NEK5: variants seen among roughly 807,000 people sequenced by gnomAD.
The protein encoded by NEK5 is NIMA related kinase 5, also known as serine/threonine-protein kinase Nek5.
NEK5 carries 88 observed loss-of-function variants against 109.2 expected under a neutral mutation model. That is an observed-to-expected ratio of 0.81 (90% confidence interval 0.68 to 0.96). The LOEUF is 0.96. Ranked by LOEUF, NEK5 falls within the 40% of genes least tolerant of loss-of-function variation. The pLI, the probability that NEK5 is intolerant of heterozygous loss-of-function variation, is 0.00. For synonymous variants in NEK5, 283 were observed against 299.9 expected, an observed-to-expected ratio of 0.94 and a Z score of 0.58; for missense variants, 834 against 920.7, an observed-to-expected ratio of 0.91 and a Z score of 1.22.
At chr13:52,107,060 A>G (rs1955670002) in intron 8 of NEK5, among the ~76,000 whole-genome samples, 1 of 152,180 alleles carries the variant, frequency 6.6e-6, no homozygotes, top group South Asian at 2.1e-4. Context: ...AGATATGAAC[A>G]TATAATACAA....
intron 22 of NEK5, among the ~76,000 whole-genome samples, chr13:52,061,375 GGGTT>G (rs1954613468): frequency 6.6e-6 from 1 of 152,152 alleles, no homozygotes; most frequent in African/African-American, 2.4e-5. Context: ...TGCGGCCCGA[GGGTT>G]GGGGGCTCCT....
At chr13:52,119,614 C>G (rs1285589303) in intron 3 of NEK5, among the ~76,000 whole-genome samples, 199 bp from the exon 4 acceptor site, 3 of 152,142 alleles carry the variant, frequency 2.0e-5, no homozygotes, top group Non-Finnish European at 2.9e-5. Flanking sequence ...TGTTGACAAC[C>G]ATCATCAAGA....
chr13:52,068,535 A>G (rs1954727991), intron 20 of NEK5, among the ~76,000 whole-genome samples: 1 of 152,122 alleles, frequency 6.6e-6, no homozygotes, highest in Non-Finnish European at 1.5e-5. Flanking sequence ...ATGAGATCTG[A>G]CAACCAACTG....
intron 16 of NEK5, among the ~76,000 whole-genome samples, chr13:52,085,010 G>T (rs1955109807): frequency 6.6e-6 from 1 of 152,096 alleles, no homozygotes; most frequent in South Asian, 2.1e-4. Context: ...TAACTTCTCT[G>T]TACAGGGGTA....
At chr13:52,050,700 A>G (rs1954496361) in intron 22 of NEK5, among the ~76,000 whole-genome samples, 1 of 150,212 alleles carries the variant, frequency 6.7e-6, no homozygotes, top group Non-Finnish European at 1.5e-5. Context: ...AAGATAGCAC[A>G]ATATTTCATT....
intron 23 of NEK5, among the ~76,000 whole-genome samples, chr13:52,044,053 C>T (rs1423650561): frequency 6.6e-6 from 1 of 152,146 alleles, no homozygotes; most frequent in East Asian, 1.9e-4. Flanking sequence ...GCAATCTATT[C>T]GGCTGCCAGC....
chr13:52,112,192 T>C lies in NEK5; in HGVS notation c.312+76A>G, dbSNP rs947152242. 4 of 726,756 alleles carry C rather than the reference T, an allele frequency of 5.5e-6. No individual in the cohort carries two copies. In the African/African-American group the frequency reaches 7.1e-5, roughly 13 times the overall value. The allele number at this position is 726,756 out of a possible 1,614,324, so 45.0% of individuals were successfully genotyped here. On this transcript the variant is annotated intron_variant, in intron 5 of 23. Coordinates refer to ENST00000684899, the MANE Select transcript of NEK5 (RefSeq NM_001365552.1). ...CATGCTTTATATCAACATAGTCTACTACTTATGACATTATAAATTTAATTC... is the reference window on the plus strand; with the variant it reads ...CATGCTTTATATCAACATAGTCTACCACTTATGACATTATAAATTTAATTC...
chr13:52,043,548 A>G lies in NEK5; in HGVS notation c.2229-6330T>C, dbSNP rs182357934. Among the ~76,000 whole-genome samples, 565 of 146,906 alleles carry G rather than the reference A, an allele frequency of 3.8e-3. 3 individuals carry two copies. The highest frequency in any genetic ancestry group is 0.013 in the African/African-American group (537 of 40,912). On this transcript the variant is annotated intron_variant, in intron 23 of 23. Coordinates refer to ENST00000684899, the MANE Select transcript of NEK5 (RefSeq NM_001365552.1). ...CAAGACTCCATCTCAAAAAAAAAAA[A>G]AAAGAAAGAAAAAGAAAAAGAAAAG...
chr13:52,116,702 G>T (rs1955864917), intron 4 of NEK5, among the ~76,000 whole-genome samples: 1 of 152,122 alleles, frequency 6.6e-6, no homozygotes, highest in Non-Finnish European at 1.5e-5. Context: ...GTGTTCATTT[G>T]TTATGTAGTA....
chr13:52,076,035 G>T, intron 18 of NEK5, 28 bp downstream of exon 18: 1 of 1,408,030 alleles, frequency 7.1e-7, no homozygotes, highest in South Asian at 1.2e-5. Flanking sequence ...TATTTAATAT[G>T]GAACCCAAAG....
chr13:52,088,845 C>CT (rs2137911357), intron 14 of NEK5, among the ~76,000 whole-genome samples: 1 of 151,548 alleles, frequency 6.6e-6, no homozygotes, highest in Non-Finnish European at 1.5e-5. Context: ...AACCCCAGCA[C>CT]TTTGGGAGGC....
At position 52,126,884 on chromosome 13, in the gene NEK5, G is replaced by A. The variant is rs567379926; in HGVS notation, c.117+482C>T. On this transcript the variant is annotated intron_variant, in intron 3 of 23. Transcript: ENST00000684899. ...GGGGTCTACTCTAGCTAGGATGTTT[G>A]CAGAAAACCCCTCGTAGAGGACCTG... 7.2e-5 allele frequency among the ~76,000 whole-genome samples: 11 copies of A among 152,308 alleles called. No homozygotes were observed. In the East Asian group the frequency reaches 2.1e-3, roughly 29 times the overall value.
chr13:52,058,703 A>G (rs1954584674), intron 22 of NEK5, among the ~76,000 whole-genome samples: 1 of 152,026 alleles, frequency 6.6e-6, no homozygotes, highest in African/African-American at 2.4e-5. Context: ...GCAATGGGGA[A>G]AGGATTCCCT....
At chr13:52,080,376 C>T (rs865910591) in intron 17 of NEK5, among the ~76,000 whole-genome samples, 1,568 of 151,776 alleles carry the variant, frequency 0.01, 18 homozygotes, top group South Asian at 0.016. Flanking sequence ...CGGCCACCAC[C>T]CCGTCTGGGA....
At chr13:52,071,545 G>T (rs2137795568) in intron 20 of NEK5, among the ~76,000 whole-genome samples, 1 of 152,300 alleles carries the variant, frequency 6.6e-6, no homozygotes, top group Middle Eastern at 3.4e-3. Flanking sequence ...CACAACACTG[G>T]CCCCAGCCAG....
At chr13:52,056,261 T>C (rs559743344) in intron 22 of NEK5, among the ~76,000 whole-genome samples, 6 of 152,062 alleles carry the variant, frequency 3.9e-5, no homozygotes, top group African/African-American at 1.4e-4. Flanking sequence ...CCTAAATATA[T>C]ATGCACCCAA....
chr13:52,071,720 T>C (rs1954786910), intron 20 of NEK5, among the ~76,000 whole-genome samples: 1 of 152,104 alleles, frequency 6.6e-6, no homozygotes, highest in Non-Finnish European at 1.5e-5. Flanking sequence ...AAGCCAAAGC[T>C]GCAAGAGGGA....
chr13:52,067,385 G>T (rs1954707587), intron 20 of NEK5, among the ~76,000 whole-genome samples: 1 of 152,300 alleles, frequency 6.6e-6, no homozygotes, highest in South Asian at 2.1e-4. Flanking sequence ...AAATCAAGCT[G>T]CAGACACAGA....
intron 11 of NEK5, among the ~76,000 whole-genome samples, chr13:52,100,140 A>T (rs1171858671): frequency 6.6e-6 from 1 of 152,212 alleles, no homozygotes; most frequent in Non-Finnish European, 1.5e-5. Context: ...AGAAATTAAT[A>T]TTAACATTTA....
Sources: gnomAD v4.1 joint callset for allele counts (sites outside exome capture counted in the v4.1 genomes callset) on GRCh38, gnomAD v4.1.1 for gene constraint, MANE v1.5 for transcripts, NCBI Gene and HGNC (gene_info 2026-07-23, HGNC 2026-07-21) for gene names.